The following WDR72 variants were observed in gnomAD, a reference collection of about 807,000 sequenced individuals.
The protein encoded by WDR72 is WD repeat-containing protein 72.
In WDR72, 120 loss-of-function variants were observed where a neutral mutation model predicts 124.2. That is an observed-to-expected ratio of 0.97 (90% CI 0.83 to 1.12). The LOEUF is 1.12. Among genes scored for constraint, WDR72 ranks in the 50% most tolerant of loss-of-function variants. The probability of loss-of-function intolerance (pLI) is 0.00; values close to 1 mark genes in which losing one functional copy is unlikely to be tolerated. For synonymous variants in WDR72, 452 were observed against 441.7 expected, an observed-to-expected ratio of 1.02 and a Z score of -0.29; for missense variants, 1,387 against 1,278.8, an observed-to-expected ratio of 1.08 and a Z score of -1.29.
intron 14 of WDR72, among the ~76,000 whole-genome samples, chr15:53,650,685 G>T (rs2015203664): frequency 6.6e-6 from 1 of 152,080 alleles, no homozygotes; most frequent in Admixed American, 6.6e-5. Flanking sequence ...CACAGACAGG[G>T]TTAGCCTCAC....
At chr15:53,753,075 G>A (rs959316314) in intron 1 of WDR72, among the ~76,000 whole-genome samples, 2 of 152,140 alleles carry the variant, frequency 1.3e-5, no homozygotes, top group African/African-American at 4.8e-5. Flanking sequence ...TCATTCCCAT[G>A]GCTGTCAACG....
intron 14 of WDR72, among the ~76,000 whole-genome samples, chr15:53,623,222 T>C (rs577437316): frequency 1.3e-5 from 2 of 152,120 alleles, no homozygotes; most frequent in Admixed American, 6.6e-5. Flanking sequence ...ACCCAGGTAC[T>C]GAGCATAGTA....
chr15:53,528,626 T>C (rs1252921975), intron 18 of WDR72, among the ~76,000 whole-genome samples: 1 of 152,084 alleles, frequency 6.6e-6, no homozygotes, highest in Non-Finnish European at 1.5e-5. Context: ...CTATTATTTT[T>C]GTATTATTAC....
chr15:53,706,179 A>C, intron 9 of WDR72, 105 bp from the exon 10 acceptor site: 1 of 1,228,334 alleles, frequency 8.1e-7, no homozygotes, highest in Non-Finnish European at 1.1e-6. Context: ...AAATCTTTTC[A>C]ATTTATTTCC....
intron 18 of WDR72, among the ~76,000 whole-genome samples, chr15:53,563,664 C>T (rs1348159920): frequency 6.6e-6 from 1 of 151,646 alleles, no homozygotes; most frequent in Non-Finnish European, 1.5e-5. Flanking sequence ...TCAGATGGAA[C>T]ACAATTTTTA....
At chr15:53,591,765 G>A (rs967883775) in intron 18 of WDR72, among the ~76,000 whole-genome samples, 2 of 150,822 alleles carry the variant, frequency 1.3e-5, no homozygotes, top group Admixed American at 6.6e-5. Context: ...GTTAAGTTTG[G>A]CAATGCCATT....
chr15:53,654,895 G>A (rs539134847), intron 14 of WDR72, among the ~76,000 whole-genome samples: 183 of 152,124 alleles, frequency 1.2e-3, no homozygotes, highest in African/African-American at 4.1e-3. Context: ...TAAGCTGATC[G>A]TTAGCATACA....
At chr15:53,646,899 GT>G (rs2015062431) in intron 14 of WDR72, among the ~76,000 whole-genome samples, 1 of 152,038 alleles carries the variant, frequency 6.6e-6, no homozygotes, top group Non-Finnish European at 1.5e-5. Flanking sequence ...ATAATTAAGG[GT>G]CTTTGTTGAT....
At chr15:53,540,494 A>C (rs1893031228) in intron 18 of WDR72, among the ~76,000 whole-genome samples, 1 of 151,914 alleles carries the variant, frequency 6.6e-6, no homozygotes, top group Admixed American at 6.6e-5. Flanking sequence ...TCAAAAGGGA[A>C]ATTCAATACA....
chr15:53,672,336 A>G (rs1338659937), intron 13 of WDR72, among the ~76,000 whole-genome samples: 4 of 147,718 alleles, frequency 2.7e-5, no homozygotes, highest in Non-Finnish European at 6.0e-5. Context: ...AGCCACTCCA[A>G]GTGAATTTGG....
chr15:53,534,192 A>G (rs1892629182), intron 18 of WDR72, among the ~76,000 whole-genome samples: 15 of 152,120 alleles, frequency 9.9e-5, no homozygotes, highest in Admixed American at 9.8e-4. Context: ...TGCTCCACTA[A>G]CATGATGAGT....
chr15:53,628,206 A>C (rs1221306162), intron 14 of WDR72, among the ~76,000 whole-genome samples: 1 of 152,196 alleles, frequency 6.6e-6, no homozygotes, highest in Non-Finnish European at 1.5e-5. Flanking sequence ...CATTCTAGTT[A>C]ATCTTCAAGT....
intron 9 of WDR72, among the ~76,000 whole-genome samples, chr15:53,708,644 G>T (rs1216504917): frequency 6.6e-6 from 1 of 152,084 alleles, no homozygotes; most frequent in Non-Finnish European, 1.5e-5. Flanking sequence ...TTGTTTGTAT[G>T]TTTGACAATA....
Position 53,710,887 on chromosome 15 carries a change from T to C in WDR72, c.924A>G (p.Leu308=). 6.2e-7 allele frequency: 1 copy of C among 1,613,830 alleles called. No homozygotes were observed. Among genetic ancestry groups the C allele is most frequent in the African/African-American group, 1.3e-5 (1 of 75,064 alleles). The stretch of plus-strand genomic sequence containing the variant: ...TTTCCTGCACAGAAGTAGAGCACAG[T>C]AAATGAGGATAAATGGTCTCTTTAA... The part of the protein sequence containing the change: ...RVLKETIYPH[L]LCSTSVQENK... The change falls in exon 9 of 20, where the codon TTA becomes TTG. Residue 308 remains leucine (L), a synonymous_variant. Coordinates refer to ENST00000360509, the MANE Select transcript of WDR72 (RefSeq NM_182758.4).
Position 53,523,259 on chromosome 15 carries a change from T to C in WDR72, c.3212A>G (p.Asp1071Gly), listed in dbSNP as rs775656622. ...TTCCAAGGCACATCTGTCAGGCATG[T>C]CCTCCACGTCTTGGAAGTTTGCCGA... Reference protein sequence around the residue: ...SNSANFQDVEDMPDRCALEES... With the variant: ...SNSANFQDVEGMPDRCALEES... Residue 1071 changes from aspartate (D) to glycine (G), a missense_variant, in exon 19 of 20, where the codon GAC becomes GGC. Physicochemically the swap from Asp to Gly is moderately conservative, Grantham distance 94. Coordinates refer to ENST00000360509, the MANE Select transcript of WDR72 (RefSeq NM_182758.4). The C allele has an allele frequency of 6.2e-7, 1 of 1,613,234 alleles. No individual in the cohort carries two copies. Among genetic ancestry groups the C allele is most frequent in the Non-Finnish European group, 8.5e-7 (1 of 1,179,444 alleles).
At chr15:53,618,005 C>T (rs188878363) in intron 14 of WDR72, among the ~76,000 whole-genome samples, 1 of 151,968 alleles carries the variant, frequency 6.6e-6, no homozygotes, top group African/African-American at 2.4e-5. Flanking sequence ...ATTCATTGAG[C>T]TGTACATTTT....
intron 14 of WDR72, among the ~76,000 whole-genome samples, chr15:53,655,059 C>T (rs564294418): frequency 6.6e-5 from 10 of 151,730 alleles, no homozygotes; most frequent in African/African-American, 2.4e-4. Flanking sequence ...GGTGAAACCC[C>T]ATCACTACTA....
At chr15:53,616,357 A>C in intron 14 of WDR72, 114 bp from the exon 15 acceptor site, 1 of 746,348 alleles carries the variant, frequency 1.3e-6, no homozygotes, top group South Asian at 2.1e-5. Flanking sequence ...AGCTAAAGGC[A>C]AGTCATTTCA....
intron 11 of WDR72, 152 bp downstream of exon 11, chr15:53,704,836 A>G: frequency 2.5e-6 from 2 of 810,708 alleles, no homozygotes; most frequent in South Asian, 2.0e-5. Context: ...AAAAAAACCT[A>G]TATGTATGTT....
Sources: allele counts gnomAD v4.1 joint callset (sites outside exome capture counted in the v4.1 genomes callset), GRCh38; gene constraint gnomAD v4.1.1; transcripts MANE v1.5; gene names NCBI Gene and HGNC (gene_info 2026-07-23, HGNC 2026-07-21).